ATXN7L1: variants seen among roughly 807,000 people sequenced by gnomAD.
The protein encoded by ATXN7L1 is ataxin-7-like protein 1.
In ATXN7L1, 15 loss-of-function variants were observed where a neutral mutation model predicts 70.8. The observed-to-expected ratio is 0.21, with a 90% CI of 0.14 to 0.33. The LOEUF (loss-of-function observed/expected upper bound fraction) is 0.33, where lower values mean the gene tolerates loss of function less well. Ranked by LOEUF, ATXN7L1 falls within the 10% of genes least tolerant of loss-of-function variation. The probability of loss-of-function intolerance (pLI) is 1.00; values close to 1 mark genes in which losing one functional copy is unlikely to be tolerated. For synonymous variants in ATXN7L1, 440 were observed against 445.1 expected (o/e 0.99, Z 0.14); for missense variants, 975 against 1,097.1 (o/e 0.89, Z 1.57).
intron 3 of ATXN7L1, among the ~76,000 whole-genome samples, chr7:105,731,313 T>C (rs1469869202): frequency 6.6e-6 from 1 of 152,204 alleles, no homozygotes; most frequent in Non-Finnish European, 1.5e-5. Context: ...CCAAGCATTC[T>C]GGATAAGAGA....
At chr7:105,827,613 C>G (rs922831153) in intron 2 of ATXN7L1, among the ~76,000 whole-genome samples, 9 of 152,198 alleles carry the variant, frequency 5.9e-5, no homozygotes, top group African/African-American at 1.9e-4. Flanking sequence ...TCGGGTTCCG[C>G]AAGGCCGACT....
At chr7:105,708,770 T>C (rs1305458177) in intron 3 of ATXN7L1, among the ~76,000 whole-genome samples, 1 of 152,244 alleles carries the variant, frequency 6.6e-6, no homozygotes, top group Non-Finnish European at 1.5e-5. Flanking sequence ...TGGAAGGCAT[T>C]GCTAATATTC....
chr7:105,868,406 A>G (rs1817789047), intron 2 of ATXN7L1, among the ~76,000 whole-genome samples: 3 of 152,124 alleles, frequency 2.0e-5, no homozygotes, highest in Admixed American at 6.5e-5. Context: ...TCAAACACAT[A>G]AGGGAGGCTG....
intron 3 of ATXN7L1, among the ~76,000 whole-genome samples, chr7:105,712,399 G>A (rs1452661422): frequency 6.6e-6 from 1 of 152,142 alleles, no homozygotes; most frequent in Non-Finnish European, 1.5e-5. Flanking sequence ...CTACCACATG[G>A]CTGGCCTGCA....
intron 4 of ATXN7L1, among the ~76,000 whole-genome samples, chr7:105,655,993 G>A (rs1335994956): frequency 2.6e-5 from 4 of 152,240 alleles, no homozygotes; most frequent in African/African-American, 9.6e-5. Flanking sequence ...AGCATATTTA[G>A]CATTCAACAC....
At chr7:105,712,303 T>A (rs185376306) in intron 3 of ATXN7L1, among the ~76,000 whole-genome samples, 2 of 152,358 alleles carry the variant, frequency 1.3e-5, no homozygotes, top group African/African-American at 4.8e-5. Context: ...CCCATTGTCT[T>A]GGCTATTAAC....
At chr7:105,694,376 T>C (rs975688656) in intron 3 of ATXN7L1, among the ~76,000 whole-genome samples, 4 of 152,182 alleles carry the variant, frequency 2.6e-5, no homozygotes, top group African/African-American at 9.7e-5. Flanking sequence ...GCCCTGTCCT[T>C]GGGGTCAGCA....
At chr7:105,635,844 G>GTT (rs202036365) in intron 7 of ATXN7L1, among the ~76,000 whole-genome samples, 85 of 140,196 alleles carry the variant, frequency 6.1e-4, no homozygotes, top group Non-Finnish European at 9.4e-4. Context: ...ATGTGCGATA[G>GTT]TTTTTTTTTT....
At chr7:105,694,776 C>T (rs1479296614) in intron 3 of ATXN7L1, among the ~76,000 whole-genome samples, 1 of 152,340 alleles carries the variant, frequency 6.6e-6, no homozygotes, top group South Asian at 2.1e-4. Context: ...ACTCCTGGCC[C>T]GGCCCTCCTT....
intron 2 of ATXN7L1, among the ~76,000 whole-genome samples, chr7:105,818,176 A>G (rs183255877): frequency 6.6e-6 from 1 of 151,730 alleles, no homozygotes; most frequent in Non-Finnish European, 1.5e-5. Context: ...TTAAAAAAAA[A>G]TTTTTTTTTG....
intron 3 of ATXN7L1, among the ~76,000 whole-genome samples, chr7:105,677,437 CG>C (rs1389989176): frequency 1.3e-5 from 2 of 152,198 alleles, no homozygotes; most frequent in Non-Finnish European, 2.9e-5. Flanking sequence ...GCACATCACA[CG>C]CTGTAATTAC....
intron 3 of ATXN7L1, among the ~76,000 whole-genome samples, chr7:105,685,161 A>G (rs1290793818): frequency 6.6e-6 from 1 of 152,070 alleles, no homozygotes; most frequent in Non-Finnish European, 1.5e-5. Flanking sequence ...GCTGTAATCT[A>G]TAGAAGGAGC....
rs1792685290 is a variant in ATXN7L1, at chr7:105,604,806, A to G, written c.*3046T>C. 6.6e-6 allele frequency among the ~76,000 whole-genome samples: 1 copy of G among 152,232 alleles called. No homozygotes were observed. The highest frequency in any genetic ancestry group is 1.5e-5 in the Non-Finnish European group (1 of 68,044). On this transcript the variant is annotated 3_prime_UTR_variant, in exon 12 of 12. Coordinates refer to ENST00000419735, the MANE Select transcript of ATXN7L1 (RefSeq NM_020725.2). ...CAACAACAGTTATTTAATATACCCC[A>G]TGACTGACCAGCTACGTAAAACCCA... is the stretch of plus-strand genomic sequence containing the variant.
Position 105,614,260 on chromosome 7 carries a change from C to T in ATXN7L1, c.2074G>A (p.Ala692Thr). The change falls in exon 10 of 12, where the codon GCC (alanine) becomes ACC (threonine). Residue 692 changes from alanine to threonine, a missense_variant. Ala to Thr is a moderately conservative substitution (Grantham distance 58). Coordinates refer to ENST00000419735, the MANE Select transcript of ATXN7L1 (RefSeq NM_020725.2). The surrounding 1 kb of genome is among the most constrained non-coding windows in gnomAD (Gnocchi z 4.3). ...ASSALNSYQA[A>T]PPYNSLSVHN... ...ACAGACAGGCTGTTATAGGGAGGGGCCGCCTGATAGGAGTTCAAAGCAGAA... is the reference window on the plus strand; with the variant it reads ...ACAGACAGGCTGTTATAGGGAGGGGTCGCCTGATAGGAGTTCAAAGCAGAA... 1 of 1,551,726 alleles carries T rather than the reference C, an allele frequency of 6.4e-7. No homozygotes were observed. The highest frequency in any genetic ancestry group is 8.7e-7 in the Non-Finnish European group (1 of 1,147,002).
intron 3 of ATXN7L1, among the ~76,000 whole-genome samples, chr7:105,669,092 T>C (rs759724694): frequency 6.6e-5 from 10 of 152,084 alleles, no homozygotes; most frequent in Non-Finnish European, 1.0e-4. Flanking sequence ...TGGTTTCATA[T>C]TTTATTTTTT....
chr7:105,665,929 G>A (rs989904582), intron 3 of ATXN7L1, among the ~76,000 whole-genome samples: 5 of 152,196 alleles, frequency 3.3e-5, no homozygotes, highest in African/African-American at 1.2e-4. Flanking sequence ...CTGCAATGTG[G>A]GGCATGGACT....
At chr7:105,703,381 A>G (rs1792734194) in intron 3 of ATXN7L1, among the ~76,000 whole-genome samples, 1 of 151,914 alleles carries the variant, frequency 6.6e-6, no homozygotes, top group Admixed American at 6.6e-5. Flanking sequence ...TTACATTTCC[A>G]GGTCATCAGC....
chr7:105,681,323 T>C (rs974550086), intron 3 of ATXN7L1, among the ~76,000 whole-genome samples: 4 of 152,008 alleles, frequency 2.6e-5, no homozygotes, highest in Non-Finnish European at 5.9e-5. Context: ...CACCAGTCAT[T>C]AGGGAAACGC....
chr7:105,821,947 C>T (rs1358057432), intron 2 of ATXN7L1, among the ~76,000 whole-genome samples: 1 of 152,208 alleles, frequency 6.6e-6, no homozygotes, highest in South Asian at 2.1e-4. Flanking sequence ...TGACATTGCA[C>T]ATACTCCAAG....
Sources: gnomAD v4.1 joint callset for allele counts (sites outside exome capture counted in the v4.1 genomes callset) on GRCh38, gnomAD v4.1.1 for gene constraint, Gnocchi (gnomAD v3.1) non-coding constraint, MANE v1.5 for transcripts, NCBI Gene and HGNC (gene_info 2026-07-23, HGNC 2026-07-21) for gene names.